The following INO80 variants were observed in gnomAD, a reference collection of about 807,000 sequenced individuals.
The protein encoded by INO80 is INO80 complex ATPase subunit.
In INO80, 20 loss-of-function variants were observed where a neutral mutation model predicts 203.4. That is an observed-to-expected ratio of 0.10 (90% CI 0.07 to 0.14). INO80 has a LOEUF of 0.14. INO80 is among the 10% of genes least tolerant of loss of function. INO80 has a pLI of 1.00. For missense variants in INO80, 1,419 were observed against 1,914.4 expected (o/e 0.74, Z 4.83); for synonymous variants, 726 against 685.2 (o/e 1.06, Z -0.93).
intron 6 of INO80, among the ~76,000 whole-genome samples, chr15:41,086,097 A>C (rs558407982): frequency 1.3e-5 from 2 of 152,306 alleles, no homozygotes; most frequent in East Asian, 3.9e-4. Context: ...AAGGAAACTT[A>C]TTTCTACTTG....
chr15:41,086,264 T>C (rs995990438), intron 6 of INO80, among the ~76,000 whole-genome samples: 7 of 152,026 alleles, frequency 4.6e-5, no homozygotes, highest in African/African-American at 1.7e-4. Flanking sequence ...AAAACCTTAA[T>C]TCAGGTTGGA....
intron 28 of INO80, among the ~76,000 whole-genome samples, chr15:41,003,381 A>T (rs1175428796): frequency 8.5e-6 from 1 of 118,020 alleles, no homozygotes; most frequent in Non-Finnish European, 1.6e-5. Context: ...CCCAGGCTGG[A>T]GTGGAGTGGT....
At chr15:41,063,827 G>C (rs529327606) in intron 14 of INO80, among the ~76,000 whole-genome samples, 1 of 152,142 alleles carries the variant, frequency 6.6e-6, no homozygotes, top group African/African-American at 2.4e-5. Context: ...AAGAAAAAAA[G>C]CCATGTAAAA....
At chr15:41,034,941 T>C (rs2044546555) in intron 24 of INO80, among the ~76,000 whole-genome samples, 2 of 152,158 alleles carry the variant, frequency 1.3e-5, no homozygotes, top group Non-Finnish European at 2.9e-5. Flanking sequence ...GCAAATTAAA[T>C]GAAAATACAG....
intron 7 of INO80, among the ~76,000 whole-genome samples, chr15:41,083,726 A>T (rs536359059): frequency 6.6e-6 from 1 of 152,102 alleles, no homozygotes; most frequent in East Asian, 1.9e-4. Context: ...AAAAAAAAAA[A>T]AAAAAAATTA....
At chr15:41,050,132 G>T in intron 19 of INO80, 30 bp from the exon 20 acceptor site, 1 of 1,535,488 alleles carries the variant, frequency 6.5e-7, no homozygotes, top group Non-Finnish European at 8.9e-7. Context: ...TTTATATTTG[G>T]AAAAGTAGTT....
intron 28 of INO80, among the ~76,000 whole-genome samples, chr15:41,004,072 A>G (rs988063109): frequency 1.3e-5 from 2 of 152,234 alleles, no homozygotes; most frequent in Non-Finnish European, 2.9e-5. Flanking sequence ...TGCCAAAACA[A>G]TGTGGTGGAA....
intron 25 of INO80, among the ~76,000 whole-genome samples, chr15:41,024,098 A>C (rs1271931586): frequency 6.6e-6 from 1 of 152,052 alleles, no homozygotes; most frequent in Non-Finnish European, 1.5e-5. Context: ...ACTTTCATCT[A>C]TTTTTCAATT....
chr15:41,041,298 C>T (rs2044662134), intron 24 of INO80, among the ~76,000 whole-genome samples: 1 of 151,856 alleles, frequency 6.6e-6, no homozygotes, highest in Admixed American at 6.6e-5. Flanking sequence ...GTCATGTTGG[C>T]CAGGCTGGTC....
chr15:40,980,492 C>T (rs1893786820), intron 35 of INO80, 52 bp from the exon 36 acceptor site: 1 of 1,403,370 alleles, frequency 7.1e-7, no homozygotes, highest in Admixed American at 1.8e-5. Context: ...GCGTAAGCTT[C>T]CTTGGAGCCT....
intron 24 of INO80, among the ~76,000 whole-genome samples, chr15:41,039,957 A>G (rs1479162831): frequency 2.0e-5 from 3 of 152,238 alleles, no homozygotes; most frequent in African/African-American, 7.2e-5. Flanking sequence ...TTGGAGAAAT[A>G]GAGTACGAAT....
At chr15:41,104,206 C>CAAA (rs35510472) in intron 1 of INO80, among the ~76,000 whole-genome samples, 12 of 41,452 alleles carry the variant, frequency 2.9e-4, no homozygotes, top group East Asian at 9.5e-4. Context: ...AACTCCATCT[C>CAAA]AAAAAAAAAA....
At chr15:40,991,715 T>C (rs994506862) in intron 29 of INO80, among the ~76,000 whole-genome samples, 4 of 151,658 alleles carry the variant, frequency 2.6e-5, no homozygotes, top group Admixed American at 2.6e-4. Flanking sequence ...GGCCTGGCTG[T>C]ATAGGTCAGT....
At chr15:41,015,377 CAAGTT>C (rs1343040580) in intron 27 of INO80, among the ~76,000 whole-genome samples, 3 of 152,124 alleles carry the variant, frequency 2.0e-5, no homozygotes, top group African/African-American at 4.8e-5. Context: ...GATATGTAGT[CAAGTT>C]GAGAATCACT....
intron 18 of INO80, 66 bp from the exon 19 acceptor site, chr15:41,054,080 A>AC (rs1272541908): frequency 8.3e-7 from 1 of 1,211,770 alleles, no homozygotes; most frequent in Non-Finnish European, 1.2e-6. Flanking sequence ...AGAAACAAAT[A>AC]CCACATTCAC....
In INO80 at chr15:41,096,193, C is replaced by A. The variant is rs373268396; in HGVS notation, c.118G>T (p.Ala40Ser). 1.2e-6 allele frequency: 2 copies of A among 1,610,416 alleles called. No homozygotes were observed. The highest frequency in any genetic ancestry group is 2.7e-5 in the African/African-American group (2 of 74,678). Residue 40 changes from alanine (A) to serine (S), a missense_variant, in exon 2 of 36, where the codon GCT (alanine) becomes TCT (serine). By Grantham distance (99) the Ala-to-Ser change is moderately conservative. This residue lies in a region of INO80 where 323 missense variants were observed against 325.4 expected (regional missense o/e 0.99). Coordinates refer to ENST00000648947, the MANE Select transcript of INO80 (RefSeq NM_017553.3). The stretch of plus-strand genomic sequence containing the variant: ...CTAGAAATATTCCTATTGAAGATAG[C>A]TGACGTTTGTCGCAGAAAATGGTCC... ...RLDHFLRQTS[A>S]IFNRNISSDD...
intron 29 of INO80, among the ~76,000 whole-genome samples, chr15:40,996,033 TAGTGAGAGAGAGAGAGAG>T (rs1172872139): frequency 6.6e-6 from 1 of 151,646 alleles, no homozygotes; most frequent in Admixed American, 6.6e-5. Flanking sequence ...AGTATCAGAT[TAGTGAGAGAGAGAGAGAG>T]AGAGATTCCC....
chr15:40,987,559 C>G (rs2043755493), intron 30 of INO80, among the ~76,000 whole-genome samples: 1 of 152,184 alleles, frequency 6.6e-6, no homozygotes, highest in African/African-American at 2.4e-5. Flanking sequence ...GAGGCCATTA[C>G]CGGTGTCAGT....
At position 40,980,241 on chromosome 15, in the gene INO80, G is replaced by T; in HGVS notation, c.4653C>A (p.Asn1551Lys). Residue 1551 changes from asparagine to lysine, a missense_variant, in exon 36 of 36, where the codon AAC becomes AAA. Physicochemically the swap from Asn to Lys is moderately conservative, Grantham distance 94 (BLOSUM62 0). This residue lies in a region of INO80 where 112 missense variants were observed against 106.2 expected (regional missense o/e 1.05). Coordinates refer to ENST00000648947, the MANE Select transcript of INO80 (RefSeq NM_017553.3). ...CAGATGGTTACCGTCCTCCAGAGGG[G>T]TTGGTGCCTTTGCCCTGTTTCCGGA... The part of the protein sequence containing the change: ...SLVRKQGKGT[N>K]PSGGR 5 of 1,612,924 alleles carry T rather than the reference G, an allele frequency of 3.1e-6. No individual in the cohort carries two copies. Among genetic ancestry groups the T allele is most frequent in the Non-Finnish European group, 4.2e-6 (5 of 1,179,986 alleles).
Sources: allele counts gnomAD v4.1 joint callset (sites outside exome capture counted in the v4.1 genomes callset), GRCh38; gene constraint gnomAD v4.1.1; regional missense constraint gnomAD v4.1.1; transcripts MANE v1.5; gene names NCBI Gene and HGNC (gene_info 2026-07-23, HGNC 2026-07-21).